Variants in MED27 observed in about 807,000 individuals in gnomAD.
MED27 encodes the protein mediator of RNA polymerase II transcription subunit 27.
MED27 carries 30 observed loss-of-function variants against 38.2 expected under a neutral mutation model. The observed-to-expected ratio is 0.79, with a 90% confidence interval of 0.59 to 1.07. The LOEUF is 1.07. Among genes scored for constraint, MED27 ranks in the 50% least tolerant of loss-of-function variants. MED27 has a pLI of 0.00. For synonymous variants in MED27, 122 were observed against 153.5 expected (o/e 0.79, Z 1.52); for missense variants, 289 against 397.5 (o/e 0.73, Z 2.32).
At chr9:131,984,541 G>C (rs1283492569) in intron 3 of MED27, among the ~76,000 whole-genome samples, 4 of 152,158 alleles carry the variant, frequency 2.6e-5, no homozygotes, top group Admixed American at 1.3e-4. Flanking sequence ...ACCCATAAGA[G>C]AACAGCGGAA....
intron 3 of MED27, among the ~76,000 whole-genome samples, chr9:131,969,126 C>A (rs577046395): frequency 4.6e-5 from 7 of 152,050 alleles, no homozygotes; most frequent in Admixed American, 1.3e-4. Context: ...TGAAATAAAG[C>A]GCACAATGAA....
chr9:131,860,595 G>A lies in MED27; in HGVS notation c.879C>T (p.Pro293=), dbSNP rs1339291710. The A allele has an allele frequency of 1.2e-6, 2 of 1,604,970 alleles. No homozygotes were observed. Among genetic ancestry groups the A allele is most frequent in the African/African-American group, 2.7e-5 (2 of 74,580 alleles). The part of the protein sequence containing the change: ...RCGKFLQDGL[P]PTWRDFRTLE... Reference sequence around the variant, plus strand: ...GGGTTCGGAAATCCCTCCATGTCGGGGGAAGGCCGTCCTGCAGAAACTTCC... The same window carrying A: ...GGGTTCGGAAATCCCTCCATGTCGGAGGAAGGCCGTCCTGCAGAAACTTCC... Residue 293 remains proline, a synonymous_variant, in exon 8 of 8, where the codon CCC becomes CCT. Coordinates refer to ENST00000292035, the MANE Select transcript of MED27 (RefSeq NM_004269.4). The surrounding 1 kb of genome is among the most constrained non-coding windows in gnomAD (Gnocchi z 5.8).
chr9:131,929,396 G>A (rs1435249560), intron 4 of MED27, among the ~76,000 whole-genome samples: 2 of 152,194 alleles, frequency 1.3e-5, no homozygotes, highest in Non-Finnish European at 2.9e-5. Flanking sequence ...GGCTACAGGA[G>A]GGTAGGGCAC....
At chr9:131,943,463 AGCGGGCTCTGCAGT>A (rs1830823579) in intron 3 of MED27, among the ~76,000 whole-genome samples, 1 of 152,162 alleles carries the variant, frequency 6.6e-6, no homozygotes, top group Non-Finnish European at 1.5e-5. Context: ...TAGCGTCTGC[AGCGGGCTCTGCAGT>A]GCGGCGCCCC....
chr9:131,902,501 G>A (rs1278989510), intron 4 of MED27, among the ~76,000 whole-genome samples: 2 of 152,098 alleles, frequency 1.3e-5, no homozygotes, highest in East Asian at 1.9e-4. Context: ...GGACTGTATC[G>A]AGCGGGACAG....
In MED27 at chr9:131,897,754, C is replaced by T. The variant is rs568415236; in HGVS notation, c.574-3762G>A. Among the ~76,000 whole-genome samples, 11 of 152,236 alleles carry T rather than the reference C, an allele frequency of 7.2e-5. No homozygotes were observed. In the South Asian group the frequency reaches 2.3e-3, roughly 32 times the overall value. ...TTTACTCGTGTATATGTTTTTAAAT[C>T]TTCCATAATAAGAAGTTTTTAAAAA... On this transcript the variant is annotated intron_variant, in intron 4 of 7. Coordinates refer to ENST00000292035, the MANE Select transcript of MED27 (RefSeq NM_004269.4).
intron 4 of MED27, among the ~76,000 whole-genome samples, chr9:131,915,741 T>A (rs1377477770): frequency 1.3e-5 from 2 of 152,184 alleles, no homozygotes; most frequent in East Asian, 3.8e-4. Context: ...AAATAGGCAA[T>A]TTTCATGGCA....
At chr9:132,041,525 C>T (rs910622837) in intron 2 of MED27, among the ~76,000 whole-genome samples, 6 of 152,234 alleles carry the variant, frequency 3.9e-5, no homozygotes, top group Non-Finnish European at 7.3e-5. Flanking sequence ...GCAGCGTCCA[C>T]AGAGCTCAGT....
chr9:132,051,399 T>C lies in MED27; in HGVS notation c.348+26043A>G, dbSNP rs1833462564. 1.3e-5 allele frequency among the ~76,000 whole-genome samples: 2 copies of C among 152,234 alleles called. No homozygotes were observed. The highest frequency in any genetic ancestry group is 4.8e-5 in the African/African-American group (2 of 41,466). ...CGTTGGGGAAAAAAGAGGGCTTGTCTTGGCCACAGAGTCCAAGGCTCCCTG... is the reference window on the plus strand; with the variant it reads ...CGTTGGGGAAAAAAGAGGGCTTGTCCTGGCCACAGAGTCCAAGGCTCCCTG... On this transcript the variant is annotated intron_variant, in intron 2 of 7. Coordinates refer to ENST00000292035, the MANE Select transcript of MED27 (RefSeq NM_004269.4). This position sits in a 1 kb window ranked among gnomAD's most constrained non-coding sequence, Gnocchi z 4.2.
intron 6 of MED27, among the ~76,000 whole-genome samples, chr9:131,882,281 G>A (rs74627454): frequency 5.9e-5 from 9 of 152,124 alleles, no homozygotes; most frequent in Non-Finnish European, 1.2e-4. Flanking sequence ...TCTAGAGGGT[G>A]GTCCATGACG....
At chr9:131,980,762 T>C (rs944586337) in intron 3 of MED27, among the ~76,000 whole-genome samples, 1 of 145,858 alleles carries the variant, frequency 6.9e-6, no homozygotes, top group Non-Finnish European at 1.5e-5. Context: ...AAAAAAAAGG[T>C]ACAAAAATGT....
Position 131,860,136 on chromosome 9 carries a change from A to G in MED27, c.*402T>C, listed in dbSNP as rs965848741. On this transcript the variant is annotated 3_prime_UTR_variant, in exon 8 of 8. Transcript: ENST00000292035. The surrounding 1 kb of genome is among the most constrained non-coding windows in gnomAD (Gnocchi z 5.8). ...CCAGGATACAAAAGGTTTATTGCTT[A>G]TAAAAATAAGTTACCAAAACCCAAG... 1 of 164,656 alleles carries G rather than the reference A, an allele frequency of 6.1e-6. No individual in the cohort carries two copies. The highest frequency in any genetic ancestry group is 2.4e-5 in the African/African-American group (1 of 41,912). The allele number at this position is 164,656 out of a possible 1,614,324, so 10.2% of individuals were successfully genotyped here.
chr9:132,006,322 T>G (rs973095917), intron 3 of MED27, among the ~76,000 whole-genome samples: 10 of 152,242 alleles, frequency 6.6e-5, no homozygotes, highest in African/African-American at 9.6e-5. Flanking sequence ...TGAACCAGTT[T>G]GTATCACATT....
rs1006886218 is a variant in MED27, at chr9:131,869,108, A to G, written c.724-5968T>C. ...GGCAGCTTTTTCCAGCGCTGATGCA[A>G]TCACTTGATTTCTTCAATTTCCCAC... On this transcript the variant is annotated intron_variant, in intron 6 of 7. Coordinates refer to ENST00000292035, the MANE Select transcript of MED27 (RefSeq NM_004269.4). 3.0e-6 allele frequency: 3 copies of G among 985,280 alleles called. No homozygotes were observed. In the African/African-American group the frequency reaches 5.2e-5, roughly 17 times the overall value. 61.0% of individuals were successfully genotyped at this position (985,280 alleles called of 1,614,324 possible).
chr9:131,939,558 T>C, intron 3 of MED27, 84 bp from the exon 4 acceptor site: 1 of 790,520 alleles, frequency 1.3e-6, no homozygotes, highest in South Asian at 2.5e-5. Context: ...ACATTGCTTT[T>C]AAATATAATT....
chr9:131,941,817 ATT>A (rs766438800), intron 3 of MED27, among the ~76,000 whole-genome samples: 1,611 of 82,344 alleles, frequency 0.02, 14 homozygotes, highest in African/African-American at 0.08. Flanking sequence ...ATTCTGCTGA[ATT>A]TTTTTTTTTT....
intron 1 of MED27, among the ~76,000 whole-genome samples, chr9:132,079,402 G>C (rs564487228): frequency 6.6e-6 from 1 of 152,342 alleles, no homozygotes; most frequent in South Asian, 2.1e-4. Context: ...AACCGCCACA[G>C]AAGAGGTCGA....
At chr9:132,013,044 C>A (rs530805884) in intron 3 of MED27, among the ~76,000 whole-genome samples, 2 of 152,174 alleles carry the variant, frequency 1.3e-5, no homozygotes, top group Non-Finnish European at 2.9e-5. Flanking sequence ...GTGAGCAGGA[C>A]AGGCGAAGGA....
intron 4 of MED27, among the ~76,000 whole-genome samples, chr9:131,924,789 C>T (rs886065961): frequency 6.6e-6 from 1 of 152,152 alleles, no homozygotes; most frequent in Non-Finnish European, 1.5e-5. Flanking sequence ...TGGTGTTTTC[C>T]TATCCTTTAA....
Sources: allele counts gnomAD v4.1 joint callset (sites outside exome capture counted in the v4.1 genomes callset), GRCh38; gene constraint gnomAD v4.1.1; non-coding constraint Gnocchi (gnomAD v3.1); transcripts MANE v1.5; gene names NCBI Gene and HGNC (gene_info 2026-07-23, HGNC 2026-07-21).